Variants in CDRT4 observed in about 807,000 individuals in gnomAD.
CDRT4 encodes the protein CMT1A duplicated region transcript 4.
For synonymous variants in CDRT4, 64 were observed against 69.6 expected, an observed-to-expected ratio of 0.92 and a Z score of 0.40; for missense variants, 167 against 193.1, an observed-to-expected ratio of 0.87 and a Z score of 0.80.
In CDRT4 at chr17:15,467,534, C is replaced by T. The variant is rs1160843279; in HGVS notation, c.-204G>A. 6.6e-6 allele frequency: 1 copy of T among 152,500 alleles called. No homozygotes were observed. The highest frequency in any genetic ancestry group is 1.5e-5 in the Non-Finnish European group (1 of 68,188). The allele number at this position is 152,500 out of a possible 1,614,324, so 9.4% of individuals were successfully genotyped here. Reference sequence around the variant, plus strand: ...CCCCTGCCCGGCGTTTATATTTTGTCTCCAGCTGTCCCCTGTGCTCTCAAT... The same window carrying T: ...CCCCTGCCCGGCGTTTATATTTTGTTTCCAGCTGTCCCCTGTGCTCTCAAT... On this transcript the variant is annotated 5_prime_UTR_variant, in exon 1 of 4. Transcript: ENST00000619038.
intron 1 of CDRT4, among the ~76,000 whole-genome samples, chr17:15,458,697 C>T (rs1360405966): frequency 6.6e-6 from 1 of 152,158 alleles, no homozygotes; most frequent in Non-Finnish European, 1.5e-5. Context: ...GCTTATTAAT[C>T]CACTCATTTA....
intron 1 of CDRT4, among the ~76,000 whole-genome samples, chr17:15,462,576 ATTC>A (rs1979808619): frequency 6.6e-6 from 1 of 152,136 alleles, no homozygotes; most frequent in Non-Finnish European, 1.5e-5. Context: ...ATGGGCATTC[ATTC>A]AGAAGAATAC....
Position 15,440,402 on chromosome 17 carries a change from T to G in CDRT4, c.-47-117A>C, listed in dbSNP as rs7222655. On this transcript the variant is annotated intron_variant, in intron 2 of 3. Transcript: ENST00000619038. ...GGTCACTGCATGAGGCTAAGATGACTCCACCCCCTGAGAAGAGGACATGTT... is the reference window on the plus strand; with the variant it reads ...GGTCACTGCATGAGGCTAAGATGACGCCACCCCCTGAGAAGAGGACATGTT... The G allele has an allele frequency of 2.3e-3, 2,699 of 1,153,610 alleles. 59 individuals carry two copies. In the African/African-American group the frequency reaches 0.038, roughly 16 times the overall value. 71.5% of individuals were successfully genotyped at this position (1,153,610 alleles called of 1,614,324 possible).
chr17:15,439,233 G>C, intron 3 of CDRT4: 1 of 445,716 alleles, frequency 2.2e-6, no homozygotes, highest in Non-Finnish European at 4.5e-6. Context: ...AGGGAGGAGA[G>C]TTAAAAGAGT....
chr17:15,448,385 A>G (rs1466867943), intron 2 of CDRT4, among the ~76,000 whole-genome samples: 2 of 152,350 alleles, frequency 1.3e-5, no homozygotes, highest in East Asian at 3.9e-4. Context: ...AAGTGACTGT[A>G]TTATAAATAG....
chr17:15,455,624 C>G (rs987651343), intron 1 of CDRT4, among the ~76,000 whole-genome samples: 1 of 152,204 alleles, frequency 6.6e-6, no homozygotes, highest in African/African-American at 2.4e-5. Flanking sequence ...CTCTCTTTCT[C>G]GTTCATCTTA....
rs76160834 is a variant in CDRT4 at position 15,440,101 on chromosome 17, TAA to T, written c.31+105_31+106del. Reference sequence around the variant, plus strand: ...CTTTAAGTATAATAAAAATATATATTAAAAAAAAAAAAGAGTGGCCGCCCAGT... The same window carrying T: ...CTTTAAGTATAATAAAAATATATATTAAAAAAAAAAGAGTGGCCGCCCAGT... On this transcript the variant is annotated intron_variant, in intron 3 of 3. Transcript: ENST00000619038. 5.7e-3 allele frequency: 4,544 copies of T among 796,814 alleles called. 17 individuals carry two copies. The highest frequency in any genetic ancestry group is 6.9e-3 in the South Asian group (247 of 35,986). 49.4% of individuals were successfully genotyped at this position (796,814 alleles called of 1,614,324 possible).
At chr17:15,438,364 G>A (rs1362714369) in intron 3 of CDRT4, among the ~76,000 whole-genome samples, 164 bp from the exon 4 acceptor site, 3 of 152,126 alleles carry the variant, frequency 2.0e-5, no homozygotes, top group Non-Finnish European at 2.9e-5. Context: ...GGAACAGAAC[G>A]ACATCCTAGA....
Position 15,464,229 on chromosome 17 carries a change from A to G in CDRT4, c.-130+3231T>C, listed in dbSNP as rs577341651. On this transcript the variant is annotated intron_variant, in intron 1 of 3. Coordinates refer to ENST00000619038, the MANE Select transcript of CDRT4 (RefSeq NM_001204477.2). This position sits in a 1 kb window ranked among gnomAD's most constrained non-coding sequence, Gnocchi z 4.5. ...GCCAGGGATGGGGATGGAGATGCCA[A>G]TGGGTAGATGTGGAGACCCCTACGC... Among the ~76,000 whole-genome samples, 21 of 152,188 alleles carry G rather than the reference A, an allele frequency of 1.4e-4. No homozygotes were observed. Among genetic ancestry groups the G allele is most frequent in the South Asian group, 1.0e-3 (5 of 4,822 alleles).
rs114341613 is a variant in CDRT4 at position 15,447,300 on chromosome 17, A to G, written c.-48+5704T>C. Among the ~76,000 whole-genome samples the G allele has an allele frequency of 5.6e-3, 859 of 152,276 alleles. 5 individuals carry two copies. Among genetic ancestry groups the G allele is most frequent in the African/African-American group, 0.02 (824 of 41,562 alleles). ...GAGGAAGACAGACCACCAGTTTCCTAATTCAACCTGGGTGGGGAGGAGTGT... is the reference window on the plus strand; with the variant it reads ...GAGGAAGACAGACCACCAGTTTCCTGATTCAACCTGGGTGGGGAGGAGTGT... On this transcript the variant is annotated intron_variant, in intron 2 of 3. Coordinates refer to ENST00000619038, the MANE Select transcript of CDRT4 (RefSeq NM_001204477.2).
chr17:15,448,319 C>T (rs1979117512), intron 2 of CDRT4, among the ~76,000 whole-genome samples: 1 of 152,238 alleles, frequency 6.6e-6, no homozygotes, highest in South Asian at 2.1e-4. Context: ...ATGCAGAAAA[C>T]ACTTTCCTAA....
chr17:15,462,011 C>G (rs1979771293), intron 1 of CDRT4, among the ~76,000 whole-genome samples: 1 of 152,118 alleles, frequency 6.6e-6, no homozygotes, highest in Non-Finnish European at 1.5e-5. Context: ...AGATTCGAGT[C>G]CCTTAAAAAA....
At chr17:15,453,634 T>C (rs1979358772) in intron 1 of CDRT4, among the ~76,000 whole-genome samples, 1 of 152,118 alleles carries the variant, frequency 6.6e-6, no homozygotes, top group Non-Finnish European at 1.5e-5. Flanking sequence ...GGTTCTGCAA[T>C]ATTATTGTGT....
intron 3 of CDRT4, chr17:15,439,284 A>G (rs1299403756): frequency 2.4e-6 from 1 of 412,814 alleles, no homozygotes; most frequent in Non-Finnish European, 4.8e-6. Context: ...AAAAAAAAAA[A>G]TGCCGTAAAT....
At chr17:15,462,354 G>A (rs1463333116) in intron 1 of CDRT4, among the ~76,000 whole-genome samples, 1 of 142,456 alleles carries the variant, frequency 7.0e-6, no homozygotes, top group Non-Finnish European at 1.5e-5. Flanking sequence ...CGTTAACCCA[G>A]GAGGCAGAGC....
chr17:15,451,270 G>A (rs939246856), intron 2 of CDRT4, among the ~76,000 whole-genome samples: 1 of 152,050 alleles, frequency 6.6e-6, no homozygotes, highest in African/African-American at 2.4e-5. Flanking sequence ...TTCACCTTCC[G>A]CCATGAATGT....
Position 15,464,054 on chromosome 17 carries a change from G to A in CDRT4, c.-130+3406C>T, listed in dbSNP as rs185714508. Among the ~76,000 whole-genome samples the A allele has an allele frequency of 6.6e-6, 1 of 152,334 alleles. No homozygotes were observed. Among genetic ancestry groups the A allele is most frequent in the East Asian group, 1.9e-4 (1 of 5,180 alleles). On this transcript the variant is annotated intron_variant, in intron 1 of 3. Coordinates refer to ENST00000619038, the MANE Select transcript of CDRT4 (RefSeq NM_001204477.2). The surrounding 1 kb of genome is among the most constrained non-coding windows in gnomAD (Gnocchi z 4.5). The stretch of plus-strand genomic sequence containing the variant: ...ACCAGGAACCCAATGCCCTCTAGGA[G>A]TATGGCATGGAGGGGCAGACCTCGA...
chr17:15,454,400 A>G (rs1360627334), intron 1 of CDRT4, among the ~76,000 whole-genome samples: 1 of 152,114 alleles, frequency 6.6e-6, no homozygotes, highest in Non-Finnish European at 1.5e-5. Context: ...ACATATATAC[A>G]CAGCCCTGAG....
intron 1 of CDRT4, among the ~76,000 whole-genome samples, chr17:15,460,998 G>T (rs1352746151): frequency 6.6e-6 from 1 of 152,000 alleles, no homozygotes; most frequent in African/African-American, 2.4e-5. Context: ...TACATAGCTG[G>T]TGTTTGATCA....
Sources: gnomAD v4.1 joint callset for allele counts (sites outside exome capture counted in the v4.1 genomes callset) on GRCh38, gnomAD v4.1.1 for gene constraint, Gnocchi (gnomAD v3.1) non-coding constraint, MANE v1.5 for transcripts, NCBI Gene and HGNC (gene_info 2026-07-23, HGNC 2026-07-21) for gene names.